DRC4: variants seen among roughly 807,000 people sequenced by gnomAD.
The protein encoded by DRC4 is GAS-11.
At chr16:90,024,775 C>A in the DRC4 span, among the ~76,000 whole-genome samples, 2 of 151,862 alleles carry the variant, frequency 1.3e-5, no homozygotes, top group African/African-American at 4.8e-5. Flanking sequence ...CACTGCACTC[C>A]AGCCTGGGTG....
the DRC4 span, among the ~76,000 whole-genome samples, chr16:90,034,390 G>A: frequency 2.6e-5 from 4 of 152,186 alleles, no homozygotes; most frequent in Admixed American, 6.5e-5. Context: ...TTGGGAGGCC[G>A]AGGAGGGTGT....
At chr16:90,033,399 C>T in the DRC4 span, among the ~76,000 whole-genome samples, 3 of 142,298 alleles carry the variant, frequency 2.1e-5, no homozygotes, top group Admixed American at 6.7e-5. Flanking sequence ...TTCAGTGGCT[C>T]ACACCCAAAA....
the DRC4 span, chr16:90,027,697 C>A: frequency 6.2e-7 from 1 of 1,614,208 alleles, no homozygotes; most frequent in Middle Eastern, 1.6e-4. Flanking sequence ...GATGGGCTCG[C>A]TCCAGAGGAC....
chr16:90,042,468 A>T, the DRC4 span: 3 of 1,613,692 alleles, frequency 1.9e-6, no homozygotes, highest in Admixed American at 1.7e-5. Context: ...CTCTCTCCTC[A>T]GGATGTTCTT....
At chr16:90,044,277 C>T in the DRC4 span, 2 of 440,940 alleles carry the variant, frequency 4.5e-6, no homozygotes, top group Non-Finnish European at 4.5e-6. Context: ...CCAGCCTCCC[C>T]ACAAAGCCTG....
the DRC4 span, chr16:90,029,196 G>T: frequency 7.4e-7 from 1 of 1,357,764 alleles, no homozygotes; most frequent in Non-Finnish European, 9.8e-7. Flanking sequence ...CTATGGGGCA[G>T]CCTACGGGGC....
the DRC4 span, chr16:90,032,841 C>T: frequency 6.2e-7 from 1 of 1,613,824 alleles, no homozygotes; most frequent in Non-Finnish European, 8.5e-7. Context: ...GGAGAGTGTG[C>T]TGCGCAAGGA....
At chr16:90,022,946 G>C in the DRC4 span, among the ~76,000 whole-genome samples, 1 of 152,164 alleles carries the variant, frequency 6.6e-6, no homozygotes, top group African/African-American at 2.4e-5. Flanking sequence ...GGGCTGTCCA[G>C]AGCCCTGTGC....
the DRC4 span, among the ~76,000 whole-genome samples, chr16:90,024,784 T>C: frequency 1.3e-5 from 2 of 151,748 alleles, no homozygotes; most frequent in Non-Finnish European, 2.9e-5. Flanking sequence ...CCAGCCTGGG[T>C]GACAGAGCAA....
At chr16:90,022,618 T>C in the DRC4 span, 1 of 1,281,646 alleles carries the variant, frequency 7.8e-7, no homozygotes, top group South Asian at 1.6e-5. Context: ...GCGAGGATCT[T>C]GTGACTTATC....
At chr16:90,019,747 G>C in the DRC4 span, 5 of 662,638 alleles carry the variant, frequency 7.5e-6, no homozygotes, top group Non-Finnish European at 1.4e-5. This position sits in a 1 kb window ranked among gnomAD's most constrained non-coding sequence, Gnocchi z 6.1. Flanking sequence ...GCGCCCGCTG[G>C]CGTCCTCTTG....
the DRC4 span, among the ~76,000 whole-genome samples, chr16:90,030,835 C>T: frequency 1.3e-5 from 2 of 152,112 alleles, no homozygotes; most frequent in Non-Finnish European, 2.9e-5. Flanking sequence ...CCAAGCTGGT[C>T]TTCAGCTCCT....
At chr16:90,036,470 AG>A in the DRC4 span, 1 of 1,614,208 alleles carries the variant, frequency 6.2e-7, no homozygotes, top group Non-Finnish European at 8.5e-7. Flanking sequence ...AGTGGAGGAG[AG>A]GAAGAATGGC....
At chr16:90,020,455 G>C in the DRC4 span, among the ~76,000 whole-genome samples, 1 of 152,222 alleles carries the variant, frequency 6.6e-6, no homozygotes, top group African/African-American at 2.4e-5. Flanking sequence ...TCAGACATCA[G>C]ACAGAGGGCA....
the DRC4 span, chr16:90,037,653 G>T: frequency 8.7e-7 from 1 of 1,145,220 alleles, no homozygotes; most frequent in Non-Finnish European, 1.3e-6. Flanking sequence ...CTGGAACCAG[G>T]TCTTTCTGGC....
At chr16:90,036,876 C>T in the DRC4 span, 26 of 583,734 alleles carry the variant, frequency 4.5e-5, no homozygotes, top group African/African-American at 4.6e-4. Context: ...CAGTGAGGGC[C>T]GTGATGTGGC....
At chr16:90,032,805 CT>C in the DRC4 span, 11 of 1,613,830 alleles carry the variant, frequency 6.8e-6, no homozygotes, top group Non-Finnish European at 9.3e-6. Context: ...AGTCATGAAG[CT>C]GGCACAGAAA....
At chr16:90,035,569 C>T in the DRC4 span, 1 of 1,609,214 alleles carries the variant, frequency 6.2e-7, no homozygotes, top group African/African-American at 1.3e-5. Context: ...ACAGGGTCAG[C>T]CTGAAGGGAG....
the DRC4 span, chr16:90,037,532 C>A: frequency 8.9e-7 from 1 of 1,120,652 alleles, no homozygotes; most frequent in Non-Finnish European, 1.3e-6. Flanking sequence ...TCTCCTTTCT[C>A]TGCCTCGTGT....
Sources: gnomAD v4.1 joint callset for allele counts (sites outside exome capture counted in the v4.1 genomes callset) on GRCh38, gnomAD v4.1.1 for gene constraint, Gnocchi (gnomAD v3.1) non-coding constraint, MANE v1.5 for transcripts, NCBI Gene and HGNC (gene_info 2026-07-23, HGNC 2026-07-21) for gene names.